MDM1: variants seen among roughly 807,000 people sequenced by gnomAD.
MDM1 encodes stabilizer of axonemal microtubules 6.
Under a neutral mutation model 89.1 loss-of-function variants are expected in MDM1, and 61 were observed. The observed-to-expected ratio is 0.68, with a 90% confidence interval of 0.56 to 0.85. The LOEUF is 0.85. Among genes scored for constraint, MDM1 ranks in the 40% least tolerant of loss-of-function variants. The pLI is 0.00. For missense variants in MDM1, 820 were observed against 846.5 expected (o/e 0.97, Z 0.39); for synonymous variants, 290 against 294.1 (o/e 0.99, Z 0.14).
intron 13 of MDM1, among the ~76,000 whole-genome samples, chr12:68,300,515 T>C (rs1872001172): frequency 6.6e-6 from 1 of 152,148 alleles, no homozygotes; most frequent in Non-Finnish European, 1.5e-5. Flanking sequence ...AGGAGTCTTA[T>C]ATCAGGCAAA....
At chr12:68,317,345 AAC>A (rs1486273358) in intron 7 of MDM1, among the ~76,000 whole-genome samples, 1 of 152,156 alleles carries the variant, frequency 6.6e-6, no homozygotes, top group Non-Finnish European at 1.5e-5. Flanking sequence ...AATCTCAAAA[AAC>A]ACTAATTTTT....
chr12:68,326,454 C>T (rs1193740699), intron 3 of MDM1: 1 of 1,473,464 alleles, frequency 6.8e-7, no homozygotes, highest in South Asian at 1.5e-5. Flanking sequence ...CATAGTACAA[C>T]TACTACAAAA....
At chr12:68,329,086 G>A (rs148835455) in intron 2 of MDM1, among the ~76,000 whole-genome samples, 50 of 152,310 alleles carry the variant, frequency 3.3e-4, no homozygotes, top group African/African-American at 1.1e-3. Context: ...CCCTGTAGGC[G>A]CTCAGCAGGG....
chr12:68,305,434 C>T (rs548294802), intron 12 of MDM1, among the ~76,000 whole-genome samples: 1 of 152,106 alleles, frequency 6.6e-6, no homozygotes, highest in East Asian at 1.9e-4. Context: ...GAAAAAGAAA[C>T]AAAAGGCATC....
At chr12:68,309,551 C>T (rs1017816541) in intron 12 of MDM1, among the ~76,000 whole-genome samples, 6 of 152,108 alleles carry the variant, frequency 3.9e-5, no homozygotes, top group Non-Finnish European at 8.8e-5. Flanking sequence ...ATTATCATTG[C>T]CATAGCATGT....
intron 12 of MDM1, among the ~76,000 whole-genome samples, chr12:68,303,305 T>C (rs2120803975): frequency 6.6e-6 from 1 of 152,306 alleles, no homozygotes; most frequent in South Asian, 2.1e-4. Flanking sequence ...ACTGAGATAT[T>C]AATTTTTCAC....
intron 3 of MDM1, chr12:68,326,142 C>G (rs1230651179): frequency 9.8e-7 from 1 of 1,023,924 alleles, no homozygotes; most frequent in African/African-American, 1.7e-5. Context: ...GCAGCCTCTG[C>G]TTATGTGCTC....
chr12:68,327,340 C>T (rs1876153955), intron 2 of MDM1: 4 of 1,515,774 alleles, frequency 2.6e-6, no homozygotes, highest in Admixed American at 4.1e-5. Flanking sequence ...CCAGGCAGTA[C>T]ATGCTGCCTC....
chr12:68,302,730 T>G lies in MDM1; in HGVS notation c.1892A>C (p.Tyr631Ser), dbSNP rs1872347478. 1.2e-6 allele frequency: 2 copies of G among 1,614,012 alleles called. No homozygotes were observed. Among genetic ancestry groups the G allele is most frequent in the Non-Finnish European group, 8.5e-7 (1 of 1,179,968 alleles). ...ATLPVSKIPK[Y>S]PTNPPGQLPS... ...CAACTGTCCAGGGGGATTTGTTGGG[T>G]ATTTTGGAATTTTTGAAACTGGAAG... The change falls in exon 13 of 15, where the codon TAC becomes TCC. Residue 631 changes from tyrosine (Y) to serine (S), a missense_variant. By Grantham distance (144) the Tyr-to-Ser change is moderately radical. Transcript: ENST00000682720.
intron 9 of MDM1, among the ~76,000 whole-genome samples, chr12:68,315,573 C>T (rs528138432): frequency 3.9e-5 from 6 of 152,226 alleles, no homozygotes; most frequent in Admixed American, 1.3e-4. Flanking sequence ...CATTTACACA[C>T]ATAAACTAGG....
In MDM1 at chr12:68,327,588, T is replaced by C. The variant is rs541981414; in HGVS notation, c.134-567A>G. On this transcript the variant is annotated intron_variant, in intron 2 of 14. Transcript: ENST00000682720. Reference sequence around the variant, plus strand: ...TCTATATTTCTGTATGGAAAGCAAATGTCCAAAAACTTAACCTTCTATGAA... The same window carrying C: ...TCTATATTTCTGTATGGAAAGCAAACGTCCAAAAACTTAACCTTCTATGAA... 1.6e-5 allele frequency: 23 copies of C among 1,407,676 alleles called. No individual in the cohort carries two copies. In the Admixed American group the frequency reaches 3.0e-4, roughly 18 times the overall value. The allele number at this position is 1,407,676 out of a possible 1,614,324, so 87.2% of individuals were successfully genotyped here.
chr12:68,314,008 G>T (rs1259221372), intron 10 of MDM1, among the ~76,000 whole-genome samples: 1 of 151,894 alleles, frequency 6.6e-6, no homozygotes, highest in Non-Finnish European at 1.5e-5. Flanking sequence ...GTGGTGGCGG[G>T]CACCTGTAGT....
intron 2 of MDM1, among the ~76,000 whole-genome samples, chr12:68,328,840 C>T (rs1370219306): frequency 6.6e-6 from 1 of 152,110 alleles, no homozygotes; most frequent in Non-Finnish European, 1.5e-5. Flanking sequence ...TTTTTGCTAA[C>T]CTCCCACCTC....
chr12:68,321,187 T>G, intron 7 of MDM1, 160 bp downstream of exon 7: 1 of 450,012 alleles, frequency 2.2e-6, no homozygotes, highest in East Asian at 3.3e-5. Context: ...AAAATGATAA[T>G]TTACATTCTA....
chr12:68,312,585 T>C (rs1471725112), intron 12 of MDM1, among the ~76,000 whole-genome samples: 1 of 152,146 alleles, frequency 6.6e-6, no homozygotes, highest in South Asian at 2.1e-4. Flanking sequence ...TACTACTACC[T>C]ATTCTCAACA....
intron 13 of MDM1, among the ~76,000 whole-genome samples, chr12:68,301,856 G>GT (rs1048972733): frequency 5.3e-5 from 8 of 151,560 alleles, no homozygotes; most frequent in African/African-American, 1.5e-4. Context: ...TAATTTTTTT[G>GT]TAACAGAGAC....
chr12:68,331,183 C>A lies in MDM1; in HGVS notation c.57G>T (p.Lys19Asn). The A allele has an allele frequency of 6.2e-7, 1 of 1,611,116 alleles. No homozygotes were observed. The highest frequency in any genetic ancestry group is 1.1e-5 in the South Asian group (1 of 91,016). The change falls in exon 2 of 15, where the codon AAG (lysine) becomes AAT (asparagine). Residue 19 changes from lysine to asparagine, a missense_variant. Coordinates refer to ENST00000682720, the MANE Select transcript of MDM1 (RefSeq NM_001354969.2). The part of the protein sequence containing the change: ...SEYQRNFLWK[K>N]SYLSESCNSS... ...AATTACAAGACTCGGACAAATAAGA[C>A]TTTTTCCACAGGAAGTTCCTCTGGT...
intron 12 of MDM1, among the ~76,000 whole-genome samples, chr12:68,303,180 CTAAT>C (rs1872453336): frequency 6.6e-6 from 1 of 151,862 alleles, no homozygotes; most frequent in Admixed American, 6.6e-5. Flanking sequence ...AAATATAAAC[CTAAT>C]TAAAAAGTAG....
intron 14 of MDM1, among the ~76,000 whole-genome samples, chr12:68,296,576 T>A (rs891821685): frequency 6.6e-6 from 1 of 152,194 alleles, no homozygotes; most frequent in Non-Finnish European, 1.5e-5. Context: ...CATGGAAAAT[T>A]GACAAAAATA....
Sources: gnomAD v4.1 joint callset for allele counts (sites outside exome capture counted in the v4.1 genomes callset) on GRCh38, gnomAD v4.1.1 for gene constraint, MANE v1.5 for transcripts, NCBI Gene and HGNC (gene_info 2026-07-23, HGNC 2026-07-21) for gene names.